Variants in CPS1 observed in about 807,000 individuals in gnomAD.
CPS1 encodes carbamoyl-phosphate synthase [ammonia], mitochondrial.
A neutral mutation model predicts 174.6 loss-of-function variants in CPS1; 109 were observed. That is an observed-to-expected ratio of 0.62 (90% CI 0.53 to 0.73). The LOEUF is 0.73. CPS1 is among the 30% of genes least tolerant of loss of function. The probability of loss-of-function intolerance (pLI) is 0.00; values close to 1 mark genes in which losing one functional copy is unlikely to be tolerated. For missense variants in CPS1, 1,689 were observed against 1,821.9 expected (o/e 0.93, Z 1.33); for synonymous variants, 637 against 632.0 (o/e 1.01, Z -0.12).
chr2:210,482,424 C>T (rs1213481687), intron 1 of CPS1, among the ~76,000 whole-genome samples: 2 of 151,848 alleles, frequency 1.3e-5, no homozygotes, highest in African/African-American at 2.4e-5. Flanking sequence ...CACCGCAGCC[C>T]CCTGAGTAGC....
In CPS1 at chr2:210,675,736, C is replaced by T; in HGVS notation, c.4170C>T (p.Ala1390=). The T allele has an allele frequency of 6.4e-7, 1 of 1,568,778 alleles. No individual in the cohort carries two copies. The highest frequency in any genetic ancestry group is 8.8e-7 in the Non-Finnish European group (1 of 1,138,680). ...TTTCATTTTAAATGCAGCTGTTTGC[C>T]ACGGAAGCCACATCAGACTGGCTCA... ...QLHNEGFKLF[A]TEATSDWLNA... is the part of the protein sequence containing the mutation. The change falls in exon 36 of 38, where the codon GCC becomes GCT. Residue 1390 remains alanine (A), a synonymous_variant. Transcript: ENST00000233072.
chr2:210,548,951 CA>C lies in CPS1; in HGVS notation c.4-7767del, dbSNP rs1696641301. Among the ~76,000 whole-genome samples the C allele has an allele frequency of 2.0e-5, 3 of 152,092 alleles. No homozygotes were observed. The South Asian group carries it at 6.2e-4, about 32-fold the overall frequency. ...TCACATTCCGCTGAAAATAGGAGGC[CA>C]TGGAAGAAATCAGGTTCAGTATAAC... On this transcript the variant is annotated intron_variant, in intron 1 of 38. Coordinates refer to the CPS1 transcript ENST00000430249.
chr2:210,488,230 TC>T (rs936223203), intron 1 of CPS1, among the ~76,000 whole-genome samples: 27 of 151,740 alleles, frequency 1.8e-4, no homozygotes, highest in African/African-American at 6.5e-4. Context: ...AGAGAAAAAA[TC>T]AGAACCGAAT....
intron 22 of CPS1, among the ~76,000 whole-genome samples, chr2:210,638,380 G>A (rs1700102249): frequency 6.6e-6 from 1 of 151,718 alleles, no homozygotes; most frequent in Non-Finnish European, 1.5e-5. Flanking sequence ...ATTCATAGGT[G>A]TGCTGTTGTG....
chr2:210,594,620 C>G lies in CPS1; in HGVS notation c.1263+14C>G, dbSNP rs761266638. ...TCTCGGGTTGAGGTCAGTATGTGGG[C>G]TTATTTTTGGTTTATGAATTTTGGA... On this transcript the variant is annotated intron_variant, in intron 12 of 37. Coordinates refer to ENST00000233072, the MANE Select transcript of CPS1 (RefSeq NM_001875.5). 22 of 1,591,240 alleles carry G rather than the reference C, an allele frequency of 1.4e-5. No individual in the cohort carries two copies. The South Asian group carries it at 2.4e-4, about 18-fold the overall frequency.
chr2:210,556,945 C>A, intron 1 of CPS1, 86 bp downstream of exon 1: 1 of 1,469,242 alleles, frequency 6.8e-7, no homozygotes, highest in Non-Finnish European at 9.5e-7. Context: ...AAGGCAAATA[C>A]AGTTTTGAAT....
At chr2:210,576,307 T>C (rs1301622859) in intron 2 of CPS1, 39 bp from the exon 3 acceptor site, 3 of 1,607,918 alleles carry the variant, frequency 1.9e-6, no homozygotes, top group African/African-American at 1.3e-5. Flanking sequence ...TGTAGTTACA[T>C]ACATTATTTG....
At chr2:210,565,528 GA>G (rs1271276851) in intron 1 of CPS1, among the ~76,000 whole-genome samples, 1 of 151,882 alleles carries the variant, frequency 6.6e-6, no homozygotes, top group Non-Finnish European at 1.5e-5. Context: ...GGTGGGAGAA[GA>G]AAAACATACA....
At position 210,600,598 on chromosome 2, in the gene CPS1, GA is replaced by G. The variant is rs1698686080; in HGVS notation, c.1596del (p.Val533SerfsTer22). On this transcript the variant is annotated frameshift_variant, in exon 15 of 38. Transcript: ENST00000233072. LOFTEE classifies it high-confidence loss of function. ...GAGGTGTGCTCAAGGAATATGGTGT[GA>G]AAGTCCTGGGAACTTCAGTTGAGTC... Reference protein sequence around the residue: ...KRGVLKEYGVKVLGTSVESIM... With the variant: ...KRGVLKEYGVXVLGTSVESIM... 1 of 1,612,190 alleles carries G rather than the reference GA, an allele frequency of 6.2e-7. No homozygotes were observed. Among genetic ancestry groups the G allele is most frequent in the Non-Finnish European group, 8.5e-7 (1 of 1,178,892 alleles).
intron 21 of CPS1, chr2:210,619,514 T>TATTTAAA (rs1699432815): frequency 6.6e-6 from 1 of 152,130 alleles, no homozygotes; most frequent in African/African-American, 2.4e-5. Flanking sequence ...TATGTAGATA[T>TATTTAAA]GATAGTTAAA....
intron 1 of CPS1, among the ~76,000 whole-genome samples, chr2:210,501,453 G>A (rs866867312): frequency 2.5e-4 from 38 of 152,120 alleles, no homozygotes; most frequent in Admixed American, 4.6e-4. Context: ...TTGTGAATAC[G>A]TAAAACTGAA....
chr2:210,609,470 T>C (rs551773784), intron 19 of CPS1, among the ~76,000 whole-genome samples: 1 of 151,956 alleles, frequency 6.6e-6, no homozygotes, highest in Non-Finnish European at 1.5e-5. Context: ...GAAATAATAA[T>C]ACCTACCTTG....
At chr2:210,655,872 C>A (rs78451704) in intron 29 of CPS1, among the ~76,000 whole-genome samples, 1 of 152,318 alleles carries the variant, frequency 6.6e-6, no homozygotes, top group East Asian at 1.9e-4. Context: ...CAAGGACACA[C>A]ATATTATTAA....
intron 29 of CPS1, 85 bp downstream of exon 29, chr2:210,654,187 T>A: frequency 8.2e-7 from 1 of 1,225,818 alleles, no homozygotes; most frequent in Non-Finnish European, 1.2e-6. Context: ...CAGGTTAGAA[T>A]TCATAATATC....
At chr2:210,497,581 T>G (rs974509701) in intron 1 of CPS1, among the ~76,000 whole-genome samples, 1 of 152,056 alleles carries the variant, frequency 6.6e-6, no homozygotes, top group Non-Finnish European at 1.5e-5. Flanking sequence ...TTTCTATTGT[T>G]GCCATTTTTG....
At chr2:210,600,886 T>G (rs991186418) in intron 15 of CPS1, among the ~76,000 whole-genome samples, 174 bp downstream of exon 15, 2 of 151,924 alleles carry the variant, frequency 1.3e-5, no homozygotes, top group Admixed American at 1.3e-4. Flanking sequence ...ATGCTGAAAT[T>G]ATAGGTATTA....
chr2:210,602,468 C>A, intron 16 of CPS1, 138 bp downstream of exon 16: 3 of 1,092,628 alleles, frequency 2.7e-6, no homozygotes, highest in South Asian at 1.3e-5. Flanking sequence ...AAGCGTATTC[C>A]AAAAGATGAC....
At chr2:210,506,932 G>A (rs1158682202) in intron 1 of CPS1, among the ~76,000 whole-genome samples, 2 of 152,114 alleles carry the variant, frequency 1.3e-5, no homozygotes, top group African/African-American at 2.4e-5. Flanking sequence ...GGGAGAATGG[G>A]ACCAAGTTGG....
rs567148415 is a variant in CPS1, at chr2:210,641,364, G to A, written c.2960-1120G>A. 9.1e-4 allele frequency among the ~76,000 whole-genome samples: 138 copies of A among 152,082 alleles called. 1 individual carries two copies. Among genetic ancestry groups the A allele is most frequent in the Non-Finnish European group, 1.7e-3 (114 of 67,978 alleles). ...TAGTCTCACACTTCTGGACTCAAGCGATCCTCCTGCCTCAGCCTCCCAAAG... is the reference window on the plus strand; with the variant it reads ...TAGTCTCACACTTCTGGACTCAAGCAATCCTCCTGCCTCAGCCTCCCAAAG... On this transcript the variant is annotated intron_variant, in intron 24 of 37. Transcript: ENST00000233072.
Sources: allele counts gnomAD v4.1 joint callset (sites outside exome capture counted in the v4.1 genomes callset), GRCh38; gene constraint gnomAD v4.1.1; transcripts MANE v1.5; gene names NCBI Gene and HGNC (gene_info 2026-07-23, HGNC 2026-07-21).